The following TMLHE variants were observed in gnomAD, a reference collection of about 807,000 sequenced individuals.
TMLHE encodes the protein trimethyllysine hydroxylase, epsilon.
In TMLHE, 18 loss-of-function variants were observed where a neutral mutation model predicts 25.7. The ratio of observed to expected loss-of-function variants is 0.70; its 90% CI spans 0.48 to 1.04. The LOEUF (loss-of-function observed/expected upper bound fraction) is 1.04, where lower values mean the gene tolerates loss of function less well. TMLHE is among the 50% of genes least tolerant of loss of function. The pLI is 0.00. For missense variants in TMLHE, 236 were observed against 259.0 expected (o/e 0.91, Z 0.61); for synonymous variants, 105 against 97.0 (o/e 1.08, Z -0.49).
chrX:155,548,971 G>C (rs1478985444), intron 1 of TMLHE, among the ~76,000 whole-genome samples: 4 of 110,560 alleles, frequency 3.6e-5, no homozygotes, highest in East Asian at 2.8e-4. Flanking sequence ...TAGAGGTCTT[G>C]CACATCTTTC....
intron 1 of TMLHE, among the ~76,000 whole-genome samples, chrX:155,599,086 T>C (rs1489721845): frequency 1.8e-5 from 2 of 111,496 alleles, no homozygotes; most frequent in Non-Finnish European, 3.8e-5. Context: ...AAAAAGTATG[T>C]GTTAATTGAC....
intron 1 of TMLHE, among the ~76,000 whole-genome samples, chrX:155,548,469 C>G (rs1158812563): frequency 5.4e-5 from 6 of 110,681 alleles, no homozygotes; most frequent in African/African-American, 1.7e-4. Context: ...GGCACGGTGG[C>G]TCATGCCTGA....
At chrX:155,559,964 G>T (rs12396201) in intron 1 of TMLHE, among the ~76,000 whole-genome samples, 151 of 112,438 alleles carry the variant, frequency 1.3e-3, no homozygotes, top group African/African-American at 4.7e-3. Context: ...GCTCCCTTAG[G>T]AAGAGTTAGC....
chrX:155,583,188 G>C (rs1204258559), intron 1 of TMLHE, among the ~76,000 whole-genome samples: 1 of 111,065 alleles, frequency 9.0e-6, no homozygotes, highest in East Asian at 2.8e-4. Flanking sequence ...TGGGGGATGG[G>C]GGAGGGATAG....
intron 1 of TMLHE, among the ~76,000 whole-genome samples, chrX:155,595,862 T>G (rs1471676489): frequency 9.0e-6 from 1 of 111,650 alleles, no homozygotes; most frequent in Non-Finnish European, 1.9e-5. Flanking sequence ...AAGGATGGTT[T>G]GACAATTTCA....
chrX:155,544,698 G>A (rs2067332818), intron 2 of TMLHE, among the ~76,000 whole-genome samples: 1 of 111,543 alleles, frequency 9.0e-6, no homozygotes, highest in East Asian at 2.8e-4. Context: ...CCTCTCCCTT[G>A]TATATTAAGG....
intron 1 of TMLHE, among the ~76,000 whole-genome samples, chrX:155,580,632 G>C (rs2067620345): frequency 8.9e-6 from 1 of 112,017 alleles, no homozygotes; most frequent in Admixed American, 9.4e-5. Context: ...TGGACTTACA[G>C]TTCCACGTGG....
Position 155,526,635 on chromosome X carries a change from C to T in TMLHE, c.182-2003G>A, listed in dbSNP as rs782047260. 2.3e-4 allele frequency among the ~76,000 whole-genome samples: 26 copies of T among 112,301 alleles called. No individual in the cohort carries two copies. The South Asian group carries it at 2.6e-3, about 11-fold the overall frequency. ...GAATGGTAGATCCACCAACAACTTG[C>T]ACTGTGCACCTGGAAAAGCCACAGC... On this transcript the variant is annotated intron_variant, in intron 2 of 7. Transcript: ENST00000334398.
At chrX:155,599,155 G>C (rs781939005) in intron 1 of TMLHE, among the ~76,000 whole-genome samples, 95 of 111,840 alleles carry the variant, frequency 8.5e-4, no homozygotes, top group Middle Eastern at 9.3e-3. Flanking sequence ...TTAAGTTTGG[G>C]GGAATAAAAA....
Position 155,511,880 on chromosome X carries a change from ACT to A in TMLHE, c.639-90_639-89del, listed in dbSNP as rs782301556. 4.0e-5 allele frequency: 38 copies of A among 961,059 alleles called. No homozygotes were observed. The African/African-American group carries it at 7.4e-4, about 19-fold the overall frequency. The allele number at this position is 961,059 out of a possible 1,213,427, so 79.2% of individuals were successfully genotyped here. A position where few individuals can be genotyped will look rare whatever the true frequency, so the allele number is the denominator to read the frequency against. On this transcript the variant is annotated intron_variant, in intron 4 of 7. Coordinates refer to ENST00000334398, the MANE Select transcript of TMLHE (RefSeq NM_018196.4). Reference sequence around the variant, plus strand: ...ACTCCTTCCAATACCTTCTTTAGTTACTCACAAATAACAGTAGATTTTTTTGG... The same window carrying A: ...ACTCCTTCCAATACCTTCTTTAGTTACACAAATAACAGTAGATTTTTTTGG...
intron 1 of TMLHE, among the ~76,000 whole-genome samples, chrX:155,601,794 C>T (rs2067757737): frequency 9.1e-6 from 1 of 109,644 alleles, no homozygotes; most frequent in African/African-American, 3.3e-5. Context: ...GAAAGACACA[C>T]TTTAAATGTG....
intron 2 of TMLHE, among the ~76,000 whole-genome samples, chrX:155,533,885 T>G (rs2067263873): frequency 8.9e-6 from 1 of 111,760 alleles, no homozygotes; most frequent in South Asian, 3.7e-4. Flanking sequence ...GATAAATGAA[T>G]TGAAGAAGGA....
At chrX:155,535,405 C>T (rs1259648714) in intron 2 of TMLHE, among the ~76,000 whole-genome samples, 2 of 111,924 alleles carry the variant, frequency 1.8e-5, no homozygotes, top group African/African-American at 6.5e-5. Context: ...CAGATGGCTA[C>T]CTTGTTGCTA....
chrX:155,523,557 T>C (rs1203896192), intron 3 of TMLHE, among the ~76,000 whole-genome samples: 2 of 111,830 alleles, frequency 1.8e-5, no homozygotes, highest in Non-Finnish European at 3.8e-5. Flanking sequence ...CAATACCACA[T>C]TGTCTTGATT....
intron 1 of TMLHE, among the ~76,000 whole-genome samples, chrX:155,595,992 AG>A (rs1397225189): frequency 8.9e-6 from 1 of 111,733 alleles, no homozygotes; most frequent in Non-Finnish European, 1.9e-5. Context: ...TATATGAACA[AG>A]GTTTTAATGT....
rs1166385625 is a variant in TMLHE at position 155,568,967 on chromosome X, G to A, written c.-1-23690C>T. ...AGGAACACAGTTCCTCACCAGCAAC[G>A]GAACAAAGCTGGATAGAGAATGACT... On this transcript the variant is annotated intron_variant, in intron 1 of 7. Transcript: ENST00000334398. 3.2e-5 allele frequency among the ~76,000 whole-genome samples: 2 copies of A among 62,167 alleles called. 1 individual carries two copies. Among genetic ancestry groups the A allele is most frequent in the Non-Finnish European group, 8.9e-5 (2 of 22,366 alleles). 54.0% of individuals were successfully genotyped at this position (62,167 alleles called of 115,157 possible).
At chrX:155,608,689 A>C (rs1345734165) in intron 1 of TMLHE, among the ~76,000 whole-genome samples, 1 of 112,167 alleles carries the variant, frequency 8.9e-6, no homozygotes, top group Non-Finnish European at 1.9e-5. Flanking sequence ...AGAATCTATA[A>C]GGCACTTAAA....
chrX:155,596,201 C>T (rs1557346487), intron 1 of TMLHE, among the ~76,000 whole-genome samples: 4 of 112,132 alleles, frequency 3.6e-5, no homozygotes, highest in Non-Finnish European at 3.8e-5. Context: ...AAAAGATAAA[C>T]ACCAGTTGTC....
chrX:155,523,210 T>A (rs1557335996), intron 3 of TMLHE, among the ~76,000 whole-genome samples: 1 of 112,208 alleles, frequency 8.9e-6, no homozygotes, highest in Non-Finnish European at 1.9e-5. Flanking sequence ...TGCTTGTTTT[T>A]CTGCTGAGTT....
Sources: gnomAD v4.1 joint callset for allele counts (sites outside exome capture counted in the v4.1 genomes callset) on GRCh38, gnomAD v4.1.1 for gene constraint, MANE v1.5 for transcripts, NCBI Gene and HGNC (gene_info 2026-07-23, HGNC 2026-07-21) for gene names.